AGMO: variants seen among roughly 807,000 people sequenced by gnomAD.
AGMO encodes the protein alkylglycerol monooxygenase.
In AGMO, 75 loss-of-function variants were observed where a neutral mutation model predicts 60.2. That is an observed-to-expected ratio of 1.25 (90% CI 1.03 to 1.51). The LOEUF (loss-of-function observed/expected upper bound fraction) is 1.51. AGMO is among the 40% of genes most tolerant of loss of function. The pLI is 0.00. For synonymous variants in AGMO, 261 were observed against 177.1 expected (o/e 1.47, Z -3.76); for missense variants, 763 against 525.5 (o/e 1.45, Z -4.42).
At position 15,246,329 on chromosome 7, in the gene AGMO, T is replaced by A. The variant is rs140083912; in HGVS notation, c.1264-44970A>T. 3.6e-3 allele frequency among the ~76,000 whole-genome samples: 553 copies of A among 152,342 alleles called. 3 individuals carry two copies. The highest frequency in any genetic ancestry group is 0.012 in the African/African-American group (517 of 41,586). ...ATACATTTGTTCCTGTGAACTGCTG[T>A]TATTAAAACAGTCTCCAAAAGATGT... On this transcript the variant is annotated intron_variant, in intron 12 of 12. Transcript: ENST00000342526.
intron 4 of AGMO, among the ~76,000 whole-genome samples, chr7:15,421,652 A>C (rs1437410335): frequency 1.3e-5 from 2 of 152,092 alleles, no homozygotes. Context: ...TTGTTCACCA[A>C]GAAGGTGGAC....
intron 12 of AGMO, among the ~76,000 whole-genome samples, chr7:15,282,915 G>A (rs182072896): frequency 4.3e-4 from 65 of 152,248 alleles, no homozygotes; most frequent in African/African-American, 1.3e-3. Flanking sequence ...TTACAAATCA[G>A]AAGTATTAAG....
intron 12 of AGMO, among the ~76,000 whole-genome samples, chr7:15,296,036 TG>T (rs1363893329): frequency 8.7e-4 from 133 of 152,188 alleles, no homozygotes; most frequent in African/African-American, 3.1e-3. Flanking sequence ...TGTTTACATA[TG>T]GAAATGTTTA....
intron 4 of AGMO, among the ~76,000 whole-genome samples, chr7:15,427,565 T>C (rs1781102290): frequency 6.6e-6 from 1 of 152,182 alleles, no homozygotes; most frequent in South Asian, 2.1e-4. Flanking sequence ...GTGCCTTTGC[T>C]CTGAATATAA....
At chr7:15,440,659 G>C (rs561361752) in intron 3 of AGMO, among the ~76,000 whole-genome samples, 26 of 152,302 alleles carry the variant, frequency 1.7e-4, no homozygotes, top group Admixed American at 9.1e-4. Context: ...AGTTACGTGT[G>C]AGAGCCGAGA....
intron 12 of AGMO, among the ~76,000 whole-genome samples, chr7:15,350,973 T>C (rs1782222301): frequency 1.3e-5 from 2 of 152,140 alleles, no homozygotes; most frequent in South Asian, 4.1e-4. Flanking sequence ...CCCAACAAGT[T>C]ATTAGGCAAA....
At chr7:15,542,916 A>T (rs1338624211) in intron 3 of AGMO, among the ~76,000 whole-genome samples, 1 of 152,218 alleles carries the variant, frequency 6.6e-6, no homozygotes, top group Non-Finnish European at 1.5e-5. Context: ...ATAGAGTTTC[A>T]TTAAGTGCAC....
intron 12 of AGMO, among the ~76,000 whole-genome samples, chr7:15,347,959 T>C (rs1224378642): frequency 1.3e-5 from 2 of 152,066 alleles, no homozygotes; most frequent in East Asian, 1.9e-4. Flanking sequence ...TTATAACTTT[T>C]CTTGACTTTA....
At chr7:15,347,478 A>C (rs1289378572) in intron 12 of AGMO, among the ~76,000 whole-genome samples, 1 of 152,048 alleles carries the variant, frequency 6.6e-6, no homozygotes, top group Admixed American at 6.6e-5. Context: ...TCTGAAAGCC[A>C]CAGGGATTTA....
chr7:15,255,333 A>C (rs1783064249), intron 12 of AGMO, among the ~76,000 whole-genome samples: 1 of 152,224 alleles, frequency 6.6e-6, no homozygotes. Flanking sequence ...CACGTTCTGC[A>C]CATGTACCCC....
intron 12 of AGMO, among the ~76,000 whole-genome samples, chr7:15,238,281 A>T (rs953926749): frequency 2.0e-5 from 3 of 152,014 alleles, no homozygotes; most frequent in African/African-American, 4.8e-5. Flanking sequence ...AATTATTTAT[A>T]TTAGGAATTT....
the AGMO span, among the ~76,000 whole-genome samples, chr7:15,139,907 A>G: frequency 6.6e-6 from 1 of 150,640 alleles, no homozygotes; most frequent in African/African-American, 2.4e-5. Flanking sequence ...ACCCAACTAT[A>G]TATAAATACA....
chr7:15,387,424 G>T lies in AGMO; in HGVS notation c.939C>A (p.Leu313=). Residue 313 remains leucine (L), a synonymous_variant, in exon 9 of 13, where the codon CTC becomes CTA. Coordinates refer to ENST00000342526, the MANE Select transcript of AGMO (RefSeq NM_001004320.2). The part of the protein sequence containing the change: ...GWGPGKPRLG[L]SEEIPEVTGK... ...TATTTACCTCTGGAATTTCTTCACTGAGACCAAGTCTTGGTTTACCTGGAC... is the reference window on the plus strand; with the variant it reads ...TATTTACCTCTGGAATTTCTTCACTTAGACCAAGTCTTGGTTTACCTGGAC... The T allele has an allele frequency of 6.2e-7, 1 of 1,612,856 alleles. No individual in the cohort carries two copies.
chr7:15,388,478 T>C (rs1784012948), intron 8 of AGMO, among the ~76,000 whole-genome samples: 1 of 152,252 alleles, frequency 6.6e-6, no homozygotes, highest in African/African-American at 2.4e-5. Context: ...TACATTAATA[T>C]ACTTAATTTG....
intron 3 of AGMO, among the ~76,000 whole-genome samples, chr7:15,512,615 A>G (rs924221505): frequency 1.3e-5 from 2 of 152,202 alleles, no homozygotes; most frequent in African/African-American, 4.8e-5. Flanking sequence ...CTACATATTT[A>G]GTTGAATTGA....
chr7:15,370,340 T>A (rs973807965), intron 10 of AGMO, among the ~76,000 whole-genome samples: 1 of 152,226 alleles, frequency 6.6e-6, no homozygotes, highest in African/African-American at 2.4e-5. Flanking sequence ...TCTTTGCTAT[T>A]GTGAATAATG....
intron 12 of AGMO, among the ~76,000 whole-genome samples, chr7:15,214,876 G>A (rs968589904): frequency 6.6e-6 from 1 of 151,770 alleles, no homozygotes; most frequent in Non-Finnish European, 1.5e-5. Context: ...TTGCCTTCTC[G>A]GACATAAAAA....
intron 12 of AGMO, among the ~76,000 whole-genome samples, chr7:15,326,163 A>G (rs1029911223): frequency 6.6e-6 from 1 of 152,138 alleles, no homozygotes; most frequent in South Asian, 2.1e-4. Flanking sequence ...TATTTATTAA[A>G]TACATTTGAA....
At chr7:15,146,686 C>A in the AGMO span, among the ~76,000 whole-genome samples, 265 of 152,232 alleles carry the variant, frequency 1.7e-3, 1 homozygote, top group Admixed American at 6.0e-3. Flanking sequence ...GGACAGGGCA[C>A]GAGAATTTAA....
Sources: allele counts gnomAD v4.1 joint callset (sites outside exome capture counted in the v4.1 genomes callset), GRCh38; gene constraint gnomAD v4.1.1; transcripts MANE v1.5; gene names NCBI Gene and HGNC (gene_info 2026-07-23, HGNC 2026-07-21).